PNPLA1: variants seen among roughly 807,000 people sequenced by gnomAD.
The protein encoded by PNPLA1 is omega-hydroxyceramide transacylase.
A neutral mutation model predicts 51.7 loss-of-function variants in PNPLA1; 36 were observed. The ratio of observed to expected loss-of-function variants is 0.70; its 90% CI spans 0.53 to 0.92. The LOEUF (loss-of-function observed/expected upper bound fraction) is 0.92. PNPLA1 is among the 40% of genes least tolerant of loss of function. The probability of loss-of-function intolerance (pLI) is 0.00; values close to 1 mark genes in which losing one functional copy is unlikely to be tolerated. For missense variants in PNPLA1, 658 were observed against 682.5 expected, an observed-to-expected ratio of 0.96 and a Z score of 0.40; for synonymous variants, 293 against 280.1, an observed-to-expected ratio of 1.05 and a Z score of -0.46.
intron 1 of PNPLA1, among the ~76,000 whole-genome samples, chr6:36,287,785 CACACACACA>C (rs1271156812): frequency 9.8e-5 from 12 of 122,092 alleles, no homozygotes; most frequent in African/African-American, 2.8e-4. Flanking sequence ...CACACACACA[CACACACACA>C]CCCCTGGAGA....
Position 36,302,224 on chromosome 6 carries a change from C to T in PNPLA1, c.1139C>T (p.Pro380Leu). Residue 380 changes from proline (P) to leucine (L), a missense_variant, in exon 6 of 9, where the codon CCA becomes CTA. Pro to Leu is a moderately conservative substitution (Grantham distance 98). Coordinates refer to ENST00000636260, the MANE Select transcript of PNPLA1 (RefSeq NM_001374623.1). ...GTATCATTCCCAGCTGTGCACAAGC[C>T]ACCCAGCTCCACACCTGGTTCATCA... The part of the protein sequence containing the change: ...PPVSFPAVHK[P>L]PSSTPGSSLP... 1.2e-6 allele frequency: 2 copies of T among 1,614,198 alleles called. No homozygotes were observed. Among genetic ancestry groups the T allele is most frequent in the Non-Finnish European group, 1.7e-6 (2 of 1,180,042 alleles).
intron 1 of PNPLA1, among the ~76,000 whole-genome samples, chr6:36,288,633 T>C (rs1770580658): frequency 6.6e-6 from 1 of 151,212 alleles, no homozygotes. Context: ...TTTTTTTTTG[T>C]ATTTTTAGTA....
chr6:36,286,235 G>C (rs1393747298), intron 1 of PNPLA1, among the ~76,000 whole-genome samples: 4 of 152,222 alleles, frequency 2.6e-5, no homozygotes, highest in Non-Finnish European at 5.9e-5. Flanking sequence ...TGATGATCTA[G>C]ATAGCATGTG....
chr6:36,279,990 G>C (rs1160910994), intron 1 of PNPLA1, among the ~76,000 whole-genome samples: 1 of 152,094 alleles, frequency 6.6e-6, no homozygotes, highest in Non-Finnish European at 1.5e-5. Flanking sequence ...GGCAGATCAC[G>C]AGGTTAGGAG....
intron 1 of PNPLA1, among the ~76,000 whole-genome samples, chr6:36,253,049 A>C (rs532266696): frequency 3.3e-5 from 5 of 152,246 alleles, no homozygotes; most frequent in African/African-American, 7.2e-5. Flanking sequence ...GCGTGGTGGC[A>C]TGCACCTGTA....
chr6:36,285,444 C>T (rs1770458531), intron 1 of PNPLA1, among the ~76,000 whole-genome samples: 1 of 152,262 alleles, frequency 6.6e-6, no homozygotes, highest in South Asian at 2.1e-4. Flanking sequence ...ACCCTGTGAA[C>T]GGCATCCTCA....
At chr6:36,258,676 C>T (rs898387538) in intron 1 of PNPLA1, among the ~76,000 whole-genome samples, 3 of 152,180 alleles carry the variant, frequency 2.0e-5, no homozygotes, top group East Asian at 1.9e-4. Context: ...TTGTTTTCAT[C>T]TGCTCTTTCT....
chr6:36,296,934 A>G (rs929009585), intron 5 of PNPLA1, among the ~76,000 whole-genome samples: 1 of 152,232 alleles, frequency 6.6e-6, no homozygotes, highest in Non-Finnish European at 1.5e-5. Context: ...CAGTTTCCTC[A>G]TCTGTAAAAG....
intron 1 of PNPLA1, among the ~76,000 whole-genome samples, chr6:36,276,951 G>A (rs1770120181): frequency 6.6e-6 from 1 of 152,232 alleles, no homozygotes; most frequent in South Asian, 2.1e-4. Context: ...TTGAATGTTA[G>A]AGAATTATAA....
chr6:36,263,592 C>G (rs1207536436), intron 1 of PNPLA1, among the ~76,000 whole-genome samples: 1 of 152,234 alleles, frequency 6.6e-6, no homozygotes, highest in Non-Finnish European at 1.5e-5. Context: ...CACACCCACT[C>G]TAGAGAGCAA....
intron 8 of PNPLA1, among the ~76,000 whole-genome samples, chr6:36,308,759 C>T (rs1451041941): frequency 2.0e-5 from 3 of 152,142 alleles, no homozygotes; most frequent in African/African-American, 7.2e-5. Context: ...CAAACAGACT[C>T]GCAAATTCAA....
Position 36,282,972 on chromosome 6 carries a change from C to T in PNPLA1, c.206-8348C>T, listed in dbSNP as rs537907408. ...TGCTGGGATTACAGGCATGAGCCACCGCACCTGACCTGATCTGTGTTTTTT... is the reference window on the plus strand; with the variant it reads ...TGCTGGGATTACAGGCATGAGCCACTGCACCTGACCTGATCTGTGTTTTTT... On this transcript the variant is annotated intron_variant, in intron 1 of 8. Coordinates refer to ENST00000636260, the MANE Select transcript of PNPLA1 (RefSeq NM_001374623.1). Among the ~76,000 whole-genome samples the T allele has an allele frequency of 5.9e-5, 9 of 152,234 alleles. No individual in the cohort carries two copies. In the East Asian group the frequency reaches 1.5e-3, roughly 26 times the overall value.
Position 36,313,146 on chromosome 6 carries a change from G to T in PNPLA1, c.*1260G>T, listed in dbSNP as rs1490617577. On this transcript the variant is annotated 3_prime_UTR_variant, in exon 9 of 9. Transcript: ENST00000636260. Reference sequence around the variant, plus strand: ...TGGTGTTGAGACAGGCTGCCCTGGAGTCCTGGGTGGCTGTAGAGGAAGAAG... The same window carrying T: ...TGGTGTTGAGACAGGCTGCCCTGGATTCCTGGGTGGCTGTAGAGGAAGAAG... Among the ~76,000 whole-genome samples the T allele has an allele frequency of 6.6e-6, 1 of 152,194 alleles. No homozygotes were observed. The highest frequency in any genetic ancestry group is 1.9e-4 in the East Asian group (1 of 5,200).
intron 1 of PNPLA1, among the ~76,000 whole-genome samples, chr6:36,285,300 C>T (rs147929283): frequency 1.3e-5 from 2 of 152,192 alleles, no homozygotes; most frequent in African/African-American, 4.8e-5. Context: ...GGAGCAGGGC[C>T]GGCGGCGCCG....
Position 36,313,711 on chromosome 6 carries a change from G to A in PNPLA1, c.*1825G>A, listed in dbSNP as rs933724261. ...TGGGGGAGACTGACTAGAGAGGCCC[G>A]CCCGGCCGCAGGCCTTTCTTCCAGG... On this transcript the variant is annotated 3_prime_UTR_variant, in exon 9 of 9. Coordinates refer to ENST00000636260, the MANE Select transcript of PNPLA1 (RefSeq NM_001374623.1). Among the ~76,000 whole-genome samples, 4 of 152,228 alleles carry A rather than the reference G, an allele frequency of 2.6e-5. No individual in the cohort carries two copies. Among genetic ancestry groups the A allele is most frequent in the East Asian group, 1.9e-4 (1 of 5,204 alleles).
intron 1 of PNPLA1, among the ~76,000 whole-genome samples, chr6:36,275,782 C>A (rs1194518186): frequency 1.3e-5 from 2 of 152,118 alleles, no homozygotes; most frequent in Non-Finnish European, 2.9e-5. Flanking sequence ...CTCTGCTGGG[C>A]TTTCGACTGA....
intron 1 of PNPLA1, among the ~76,000 whole-genome samples, chr6:36,252,542 CAA>C (rs5875538): frequency 0.048 from 6,415 of 133,358 alleles, 363 homozygotes; most frequent in African/African-American, 0.14. Context: ...CAAAAGGGGT[CAA>C]AAAAAAAAAA....
intron 1 of PNPLA1, among the ~76,000 whole-genome samples, chr6:36,246,029 A>T (rs949523627): frequency 1.3e-5 from 2 of 152,164 alleles, no homozygotes; most frequent in Admixed American, 6.5e-5. Flanking sequence ...CATGAGAAAG[A>T]TTAGGATATC....
chr6:36,244,340 T>C (rs1393907868), intron 1 of PNPLA1, among the ~76,000 whole-genome samples: 1 of 152,146 alleles, frequency 6.6e-6, no homozygotes, highest in Non-Finnish European at 1.5e-5. Context: ...TCCATAGATA[T>C]TCTTCCCCAT....
Sources: allele counts gnomAD v4.1 joint callset (sites outside exome capture counted in the v4.1 genomes callset), GRCh38; gene constraint gnomAD v4.1.1; transcripts MANE v1.5; gene names NCBI Gene and HGNC (gene_info 2026-07-23, HGNC 2026-07-21).